The following CRTC3 variants were observed in gnomAD, a reference collection of about 807,000 sequenced individuals.
The protein encoded by CRTC3 is CREB-regulated transcription coactivator 3.
Under a neutral mutation model 74.5 loss-of-function variants are expected in CRTC3, and 26 were observed. The observed-to-expected ratio is 0.35, with a 90% confidence interval of 0.26 to 0.48. The LOEUF is 0.48. Ranked by LOEUF, CRTC3 falls within the 20% of genes least tolerant of loss-of-function variation. The pLI, the probability that CRTC3 is intolerant of heterozygous loss-of-function variation, is 0.99. For missense variants in CRTC3, 760 were observed against 787.3 expected (o/e 0.97, Z 0.41); for synonymous variants, 377 against 325.8 (o/e 1.16, Z -1.69).
intron 6 of CRTC3, chr15:90,613,907 C>T (rs369949448): frequency 1.3e-5 from 2 of 152,258 alleles, no homozygotes; most frequent in African/African-American, 4.8e-5. Context: ...AGTTTTAAAA[C>T]TTTGTGAATA....
chr15:90,579,833 G>C (rs1035159833), intron 2 of CRTC3, among the ~76,000 whole-genome samples: 3 of 151,730 alleles, frequency 2.0e-5, no homozygotes, highest in Non-Finnish European at 4.4e-5. Context: ...GTAGAGACAG[G>C]GTTTTACCAT....
intron 2 of CRTC3, among the ~76,000 whole-genome samples, chr15:90,546,721 C>T: frequency 6.6e-6 from 1 of 152,202 alleles, no homozygotes; most frequent in East Asian, 1.9e-4. Context: ...CCCCTGGGTT[C>T]ATGCCATTCT....
intron 6 of CRTC3, among the ~76,000 whole-genome samples, chr15:90,611,015 C>T (rs1020187271): frequency 2.0e-5 from 3 of 152,134 alleles, no homozygotes; most frequent in African/African-American, 7.2e-5. Context: ...CTTTGACCTG[C>T]AGAGTTAAGG....
chr15:90,604,231 G>A (rs879544726), intron 4 of CRTC3, 154 bp from the exon 5 acceptor site: 8 of 625,232 alleles, frequency 1.3e-5, no homozygotes, highest in Non-Finnish European at 2.4e-5. Flanking sequence ...TTTTAACAAT[G>A]ATGAGCAAAA....
chr15:90,592,653 T>G (rs912853855), intron 2 of CRTC3, among the ~76,000 whole-genome samples: 1 of 152,246 alleles, frequency 6.6e-6, no homozygotes, highest in African/African-American at 2.4e-5. Flanking sequence ...GGACTGATGA[T>G]TTGTATGTTT....
chr15:90,551,015 C>T (rs1445897752), intron 2 of CRTC3, among the ~76,000 whole-genome samples: 1 of 152,132 alleles, frequency 6.6e-6, no homozygotes, highest in Non-Finnish European at 1.5e-5. Flanking sequence ...AACAAAGCAC[C>T]GATCTGTCCT....
intron 7 of CRTC3, 130 bp downstream of exon 7, chr15:90,614,618 T>C: frequency 1.6e-6 from 1 of 612,624 alleles, no homozygotes. Context: ...CTGATTGGCT[T>C]ACTTTTCAGA....
chr15:90,560,527 T>C (rs1646119411), intron 2 of CRTC3, among the ~76,000 whole-genome samples: 1 of 152,250 alleles, frequency 6.6e-6, no homozygotes, highest in African/African-American at 2.4e-5. Flanking sequence ...GGGCAGACGA[T>C]GAATACTTCA....
intron 1 of CRTC3, among the ~76,000 whole-genome samples, chr15:90,535,069 G>C (rs1966695243): frequency 6.6e-6 from 1 of 151,540 alleles, no homozygotes; most frequent in Admixed American, 6.6e-5. Context: ...ACTGAGGCAA[G>C]AGAATCGCTT....
chr15:90,611,034 T>G (rs1428437642), intron 6 of CRTC3, among the ~76,000 whole-genome samples: 1 of 152,172 alleles, frequency 6.6e-6, no homozygotes, highest in Non-Finnish European at 1.5e-5. Context: ...GGAGAAGGTT[T>G]ACAATGCAAA....
intron 2 of CRTC3, among the ~76,000 whole-genome samples, chr15:90,588,014 G>A (rs1967707199): frequency 1.3e-5 from 2 of 151,702 alleles, no homozygotes; most frequent in Non-Finnish European, 1.5e-5. Context: ...TTGGGAGGCC[G>A]AGGGGGGTGG....
intron 3 of CRTC3, among the ~76,000 whole-genome samples, chr15:90,602,063 C>T (rs1248897064): frequency 6.6e-6 from 1 of 152,132 alleles, no homozygotes; most frequent in African/African-American, 2.4e-5. Context: ...AGAGTGGAGA[C>T]AGTTCCTGAA....
At chr15:90,579,269 A>C (rs776955265) in intron 2 of CRTC3, among the ~76,000 whole-genome samples, 3 of 152,112 alleles carry the variant, frequency 2.0e-5, no homozygotes, top group Non-Finnish European at 2.9e-5. Flanking sequence ...GTATGCATAG[A>C]TTTTGGTGTC....
In CRTC3 at chr15:90,641,973, C is replaced by T; in HGVS notation, c.1693C>T (p.Leu565=). ...CCTGTTCAAAGACCTCAACAGTGCG[C>T]TGGCAGGCCTGCCTGAGGTCAGCCT... is the stretch of plus-strand genomic sequence containing the variant. ...TSLFKDLNSA[L]AGLPEVSLNV... is the part of the protein sequence containing the mutation. Residue 565 remains leucine, a synonymous_variant, in exon 15 of 15, where the codon CTG becomes TTG. Coordinates refer to ENST00000268184, the MANE Select transcript of CRTC3 (RefSeq NM_022769.5). 1 of 1,613,798 alleles carries T rather than the reference C, an allele frequency of 6.2e-7. No homozygotes were observed. Among genetic ancestry groups the T allele is most frequent in the South Asian group, 1.1e-5 (1 of 91,078 alleles).
intron 2 of CRTC3, among the ~76,000 whole-genome samples, chr15:90,587,367 C>T (rs556099406): frequency 3.4e-4 from 52 of 152,318 alleles, no homozygotes; most frequent in African/African-American, 1.2e-3. Flanking sequence ...CGTCCTGTTT[C>T]ATTACAGAAA....
rs755691411 is a variant in CRTC3, at chr15:90,629,402, T to G, written c.1136T>G (p.Leu379Arg). The change falls in exon 11 of 15, where the codon CTG (leucine) becomes CGG (arginine). Residue 379 changes from leucine to arginine, a missense_variant. Leu to Arg is a moderately radical substitution (Grantham distance 102, BLOSUM62 -2). Coordinates refer to ENST00000268184, the MANE Select transcript of CRTC3 (RefSeq NM_022769.5). ...LSNPSLSTTN[L>R]SGPSRRRQPP... ...AACCCATCTCTTTCCACCACAAACCTGAGCGGCCCGTCTCGGCGTCGGCAG... is the reference window on the plus strand; with the variant it reads ...AACCCATCTCTTTCCACCACAAACCGGAGCGGCCCGTCTCGGCGTCGGCAG... 1.2e-6 allele frequency: 2 copies of G among 1,613,916 alleles called. No homozygotes were observed. The highest frequency in any genetic ancestry group is 1.7e-6 in the Non-Finnish European group (2 of 1,180,022).
At chr15:90,578,344 C>G (rs1260339165) in intron 2 of CRTC3, among the ~76,000 whole-genome samples, 1 of 151,962 alleles carries the variant, frequency 6.6e-6, no homozygotes, top group African/African-American at 2.4e-5. Flanking sequence ...GTTAGGAGTT[C>G]GAGACCAGCC....
chr15:90,560,652 G>A (rs1173449894), intron 2 of CRTC3, among the ~76,000 whole-genome samples: 1 of 152,194 alleles, frequency 6.6e-6, no homozygotes, highest in Non-Finnish European at 1.5e-5. Context: ...CAGGCCACCA[G>A]CTCTGCAGAT....
At chr15:90,559,890 G>T (rs1453489491) in intron 2 of CRTC3, among the ~76,000 whole-genome samples, 2 of 152,200 alleles carry the variant, frequency 1.3e-5, no homozygotes, top group Non-Finnish European at 2.9e-5. Context: ...TGATCCATCC[G>T]CCTTGGCCTC....
Sources: gnomAD v4.1 joint callset for allele counts (sites outside exome capture counted in the v4.1 genomes callset) on GRCh38, gnomAD v4.1.1 for gene constraint, MANE v1.5 for transcripts, NCBI Gene and HGNC (gene_info 2026-07-23, HGNC 2026-07-21) for gene names.